MAP3K20: variants seen among roughly 807,000 people sequenced by gnomAD.
MAP3K20 encodes mitogen-activated protein kinase kinase kinase 20.
In MAP3K20, 40 loss-of-function variants were observed where a neutral mutation model predicts 85.7. The observed-to-expected ratio is 0.47, with a 90% CI of 0.36 to 0.61. The LOEUF is 0.61. Ranked by LOEUF, MAP3K20 falls within the 20% of genes least tolerant of loss-of-function variation. MAP3K20 has a pLI of 0.00. For missense variants in MAP3K20, 817 were observed against 961.7 expected, an observed-to-expected ratio of 0.85 and a Z score of 1.99; for synonymous variants, 325 against 327.7, an observed-to-expected ratio of 0.99 and a Z score of 0.09.
At chr2:173,168,666 T>C (rs1180772626) in intron 2 of MAP3K20, among the ~76,000 whole-genome samples, 2 of 152,172 alleles carry the variant, frequency 1.3e-5, no homozygotes, top group Non-Finnish European at 2.9e-5. Flanking sequence ...AAATCTCCAG[T>C]CTACTTACTG....
intron 10 of MAP3K20, chr2:173,211,284 T>A (rs1008423357): frequency 6.6e-6 from 1 of 152,058 alleles, no homozygotes; most frequent in Non-Finnish European, 1.5e-5. Flanking sequence ...AGGACCAGAA[T>A]ACTTAAGAAG....
intron 2 of MAP3K20, among the ~76,000 whole-genome samples, chr2:173,122,769 G>A (rs919748301): frequency 6.6e-6 from 1 of 152,124 alleles, no homozygotes; most frequent in Non-Finnish European, 1.5e-5. Flanking sequence ...ATTCCTGTGG[G>A]CCAAAGCATT....
At chr2:173,205,212 T>A (rs887415037) in intron 9 of MAP3K20, among the ~76,000 whole-genome samples, 8 of 151,908 alleles carry the variant, frequency 5.3e-5, no homozygotes, top group Admixed American at 2.6e-4. Flanking sequence ...GTTTTATAGT[T>A]TAAATTTGTC....
Position 173,231,280 on chromosome 2 carries a change from C to T in MAP3K20, c.1033-912C>T, listed in dbSNP as rs758996094. On this transcript the variant is annotated intron_variant, in intron 12 of 19. Transcript: ENST00000375213. ...TCTTTTGAAGTGCACCTGCTTTCAA[C>T]ATTAGCTAACCTCTTTGGCTTCCGT... Among the ~76,000 whole-genome samples the T allele has an allele frequency of 1.1e-3, 162 of 152,324 alleles. 1 individual carries two copies. Among genetic ancestry groups the T allele is most frequent in the Admixed American group, 7.2e-3 (110 of 15,308 alleles).
At position 173,187,557 on chromosome 2, in the gene MAP3K20, G is replaced by A; in HGVS notation, c.350-1G>A. On this transcript the variant is annotated splice_acceptor_variant, in intron 4 of 19. Transcript: ENST00000375213. LOFTEE classifies it high-confidence loss of function. Reference sequence around the variant, plus strand: ...GCCTTTATTTCTTCTTGTGTGAAAAGGAATGCATTATTTACATATGGAGGC... The same window carrying A: ...GCCTTTATTTCTTCTTGTGTGAAAAAGAATGCATTATTTACATATGGAGGC... 6.3e-7 allele frequency: 1 copy of A among 1,599,728 alleles called. No individual in the cohort carries two copies. The highest frequency in any genetic ancestry group is 8.5e-7 in the Non-Finnish European group (1 of 1,175,148).
At chr2:173,126,774 T>TCTTA (rs1188891377) in intron 2 of MAP3K20, among the ~76,000 whole-genome samples, 1 of 152,244 alleles carries the variant, frequency 6.6e-6, no homozygotes, top group Admixed American at 6.5e-5. Flanking sequence ...TGCAGAATGC[T>TCTTA]CTTACAGACT....
intron 2 of MAP3K20, among the ~76,000 whole-genome samples, chr2:173,109,980 C>T (rs1272136033): frequency 6.6e-6 from 1 of 151,450 alleles, no homozygotes; most frequent in Non-Finnish European, 1.5e-5. Flanking sequence ...CTTTCTCATC[C>T]TTCCTAGTAG....
chr2:173,228,694 G>T (rs1368736846), intron 11 of MAP3K20, among the ~76,000 whole-genome samples: 1 of 152,132 alleles, frequency 6.6e-6, no homozygotes, highest in East Asian at 1.9e-4. Context: ...CTCCTTGAAG[G>T]CAGGGGCTGT....
chr2:173,120,427 A>G (rs909067500), intron 2 of MAP3K20, among the ~76,000 whole-genome samples: 5 of 151,884 alleles, frequency 3.3e-5, no homozygotes, highest in African/African-American at 9.7e-5. Context: ...TTGTTTAGCA[A>G]CAACCCAATA....
At chr2:173,124,550 A>G (rs1688388540) in intron 2 of MAP3K20, among the ~76,000 whole-genome samples, 1 of 152,172 alleles carries the variant, frequency 6.6e-6, no homozygotes, top group South Asian at 2.1e-4. Flanking sequence ...GGCTTGATGT[A>G]GTGCCGCAGG....
intron 10 of MAP3K20, among the ~76,000 whole-genome samples, chr2:173,216,596 T>A (rs571489941): frequency 3.9e-5 from 6 of 152,072 alleles, no homozygotes; most frequent in African/African-American, 1.4e-4. Context: ...CACCACCCCT[T>A]ACAACCAAGG....
intron 3 of MAP3K20, among the ~76,000 whole-genome samples, chr2:173,170,997 T>A (rs548477991): frequency 6.6e-6 from 1 of 152,336 alleles, no homozygotes; most frequent in Admixed American, 6.5e-5. Context: ...TTTAACATGC[T>A]TTTACTCTTA....
rs746860571 is a variant in MAP3K20 at position 173,261,094 on chromosome 2, G to A, written c.1508G>A (p.Gly503Glu). 1.2e-6 allele frequency: 2 copies of A among 1,613,664 alleles called. No individual in the cohort carries two copies. The highest frequency in any genetic ancestry group is 1.7e-6 in the Non-Finnish European group (2 of 1,179,660). Residue 503 changes from glycine to glutamate, a missense_variant, in exon 18 of 20, where the codon GGA (glycine) becomes GAA (glutamate). Gly to Glu is a moderately conservative substitution (Grantham distance 98). Transcript: ENST00000375213. ...TTTGTAATGGAGAAGTGGATTGTAG[G>A]AATAGCAAAAAGTCAGACTGTGGAG... is the stretch of plus-strand genomic sequence containing the variant. Reference protein sequence around the residue: ...PPFVMEKWIVGIAKSQTVECT... With the variant: ...PPFVMEKWIVEIAKSQTVECT...
chr2:173,167,255 A>G (rs762703153), intron 2 of MAP3K20, among the ~76,000 whole-genome samples: 4 of 152,064 alleles, frequency 2.6e-5, no homozygotes, highest in Non-Finnish European at 5.9e-5. Flanking sequence ...GCAGGTGCCT[A>G]TAAAGGCAAA....
intron 4 of MAP3K20, among the ~76,000 whole-genome samples, chr2:173,184,538 C>T (rs1455767602): frequency 6.6e-6 from 1 of 152,192 alleles, no homozygotes; most frequent in Non-Finnish European, 1.5e-5. Flanking sequence ...TCCACATCAG[C>T]TGAGTCATTC....
intron 2 of MAP3K20, among the ~76,000 whole-genome samples, chr2:173,113,936 C>T (rs2106178235): frequency 6.6e-6 from 1 of 151,934 alleles, no homozygotes; most frequent in East Asian, 1.9e-4. Flanking sequence ...AATCCATTGT[C>T]TCTTTGTTGA....
chr2:173,149,449 T>C (rs1689234119), intron 2 of MAP3K20, among the ~76,000 whole-genome samples: 1 of 152,036 alleles, frequency 6.6e-6, no homozygotes, highest in Non-Finnish European at 1.5e-5. Flanking sequence ...GAGGGGTATA[T>C]GGGAACACTC....
chr2:173,158,228 C>T (rs1689539061), intron 2 of MAP3K20, among the ~76,000 whole-genome samples: 1 of 152,156 alleles, frequency 6.6e-6, no homozygotes, highest in Admixed American at 6.5e-5. Context: ...GTACTCAATA[C>T]ATGTTAGCTA....
At chr2:173,235,675 G>A (rs1477255403) in intron 14 of MAP3K20, among the ~76,000 whole-genome samples, 1 of 152,178 alleles carries the variant, frequency 6.6e-6, no homozygotes, top group Admixed American at 6.5e-5. Flanking sequence ...GCACAACATC[G>A]TGAATGTGCT....
Sources: allele counts gnomAD v4.1 joint callset (sites outside exome capture counted in the v4.1 genomes callset), GRCh38; gene constraint gnomAD v4.1.1; transcripts MANE v1.5; gene names NCBI Gene and HGNC (gene_info 2026-07-23, HGNC 2026-07-21).